TMCO5A: variants seen among roughly 807,000 people sequenced by gnomAD.
TMCO5A encodes transmembrane and coiled-coil domains 5A.
TMCO5A carries 34 observed loss-of-function variants against 42.3 expected under a neutral mutation model. The observed-to-expected ratio is 0.80, with a 90% CI of 0.61 to 1.07. TMCO5A has a LOEUF of 1.07. Among genes scored for constraint, TMCO5A ranks in the 50% least tolerant of loss-of-function variants. The pLI is 0.00. For synonymous variants in TMCO5A, 131 were observed against 115.6 expected (o/e 1.13, Z -0.86); for missense variants, 357 against 327.9 (o/e 1.09, Z -0.69).
chr15:37,937,045 C>T, intron 4 of TMCO5A, 75 bp downstream of exon 4: 14 of 1,573,990 alleles, frequency 8.9e-6, no homozygotes, highest in Non-Finnish European at 1.0e-5. Context: ...ATCAGATAAG[C>T]TTGTCTCTCC....
At chr15:37,976,518 T>C in the TMCO5A span, among the ~76,000 whole-genome samples, 1 of 152,166 alleles carries the variant, frequency 6.6e-6, no homozygotes, top group Non-Finnish European at 1.5e-5. Context: ...TTGCTTGCTT[T>C]CTCTCCCTCT....
downstream of TMCO5A, chr15:37,951,651 A>G (rs1265808663): frequency 6.5e-6 from 1 of 154,268 alleles, no homozygotes; most frequent in Non-Finnish European, 1.4e-5. Context: ...ATACATAAGT[A>G]TTTATACTTA....
chr15:38,012,523 CGT>C, the TMCO5A span, among the ~76,000 whole-genome samples: 2,139 of 148,950 alleles, frequency 0.014, 21 homozygotes, highest in African/African-American at 0.035. Context: ...TAGGAGTAGT[CGT>C]GTGTGTGTGT....
chr15:38,001,663 T>A, the TMCO5A span, among the ~76,000 whole-genome samples: 1 of 152,004 alleles, frequency 6.6e-6, no homozygotes, highest in East Asian at 1.9e-4. Context: ...TTTTGGTACA[T>A]CTGTTGCATG....
chr15:38,005,085 C>T, the TMCO5A span, among the ~76,000 whole-genome samples: 1 of 152,006 alleles, frequency 6.6e-6, no homozygotes, highest in Non-Finnish European at 1.5e-5. Flanking sequence ...TCCATCACCC[C>T]TATTGCATTA....
chr15:37,981,229 G>A, the TMCO5A span, among the ~76,000 whole-genome samples: 1 of 145,734 alleles, frequency 6.9e-6, no homozygotes, highest in Non-Finnish European at 1.5e-5. Context: ...AAAAAAACTG[G>A]TCCCAGAAGG....
chr15:37,958,073 T>G (rs559699224), intron 11 of TMCO5A, among the ~76,000 whole-genome samples: 2 of 152,248 alleles, frequency 1.3e-5, no homozygotes, highest in African/African-American at 4.8e-5. Context: ...TCCTTACACC[T>G]TATACAAAAA....
At chr15:37,939,750 G>A (rs1383614127) in intron 6 of TMCO5A, among the ~76,000 whole-genome samples, 1 of 151,978 alleles carries the variant, frequency 6.6e-6, no homozygotes, top group African/African-American at 2.4e-5. Context: ...CTGTTCCTCT[G>A]GCATGCTAGT....
chr15:37,989,617 T>C, the TMCO5A span, among the ~76,000 whole-genome samples: 3 of 152,194 alleles, frequency 2.0e-5, no homozygotes, highest in African/African-American at 7.2e-5. Flanking sequence ...CTCTCTGTTA[T>C]TGATTTCTTC....
At chr15:37,940,154 G>T (rs1889680134) in intron 6 of TMCO5A, among the ~76,000 whole-genome samples, 1 of 152,096 alleles carries the variant, frequency 6.6e-6, no homozygotes, top group Non-Finnish European at 1.5e-5. Context: ...ACACAGAAAA[G>T]GCTATTCTCT....
chr15:38,003,379 G>A, the TMCO5A span, among the ~76,000 whole-genome samples: 6 of 152,260 alleles, frequency 3.9e-5, no homozygotes, highest in Middle Eastern at 0.01. Flanking sequence ...AAGGCCCGCA[G>A]TTACCACTGC....
the TMCO5A span, among the ~76,000 whole-genome samples, chr15:37,991,149 C>G: frequency 1.3e-5 from 2 of 152,056 alleles, no homozygotes; most frequent in Non-Finnish European, 2.9e-5. Flanking sequence ...TACAATAATA[C>G]TAGCTTTTAT....
intron 11 of TMCO5A, 150 bp downstream of exon 11, chr15:37,947,846 G>C (rs1890019823): frequency 1.9e-6 from 1 of 538,298 alleles, no homozygotes; most frequent in African/African-American, 2.0e-5. Context: ...TAATGTCTTT[G>C]ACTGTATTTC....
rs543876878 is a variant in TMCO5A, at chr15:37,936,907, G to A, written c.201G>A (p.Glu67=). Residue 67 remains glutamate, a synonymous_variant, in exon 4 of 12, where the codon GAG becomes GAA. Transcript: ENST00000319669. Reference sequence around the variant, plus strand: ...TGGAAGATGAAGAGTGGGAGAAGGAGAACCGCACCACGATGGAAAGGGAAA... The same window carrying A: ...TGGAAGATGAAGAGTGGGAGAAGGAAAACCGCACCACGATGGAAAGGGAAA... ...GLVEDEEWEK[E]NRTTMERERA... is the part of the protein sequence containing the mutation. 6.2e-7 allele frequency: 1 copy of A among 1,612,628 alleles called. No individual in the cohort carries two copies. Among genetic ancestry groups the A allele is most frequent in the East Asian group, 2.2e-5 (1 of 44,736 alleles).
chr15:38,015,328 A>AATAC, the TMCO5A span, among the ~76,000 whole-genome samples: 1 of 152,126 alleles, frequency 6.6e-6, no homozygotes, highest in South Asian at 2.1e-4. Context: ...ATAAGATACG[A>AATAC]ATACCCACTA....
chr15:37,941,611 T>G (rs1889744499), intron 7 of TMCO5A, 60 bp from the exon 8 acceptor site: 1 of 1,244,492 alleles, frequency 8.0e-7, no homozygotes, highest in Middle Eastern at 1.9e-4. Flanking sequence ...AAAACAAGTA[T>G]GCTTGTGTTC....
At chr15:37,951,892 C>G (rs968035014), downstream of TMCO5A, among the ~76,000 whole-genome samples, 1 of 152,046 alleles carries the variant, frequency 6.6e-6, no homozygotes, top group East Asian at 1.9e-4. Flanking sequence ...CAACACCCCC[C>G]CTTTCCCATC....
At chr15:38,007,553 G>C in the TMCO5A span, among the ~76,000 whole-genome samples, 6 of 152,138 alleles carry the variant, frequency 3.9e-5, no homozygotes, top group South Asian at 2.1e-4. Context: ...TAAATTAGGA[G>C]TACCCAAAGA....
At chr15:37,950,148 T>G (rs1045035594) in intron 11 of TMCO5A, among the ~76,000 whole-genome samples, 2 of 152,194 alleles carry the variant, frequency 1.3e-5, no homozygotes, top group African/African-American at 4.8e-5. Context: ...CCATATTCCA[T>G]TCTTTAGAAG....
Sources: gnomAD v4.1 joint callset for allele counts (sites outside exome capture counted in the v4.1 genomes callset) on GRCh38, gnomAD v4.1.1 for gene constraint, MANE v1.5 for transcripts, NCBI Gene and HGNC (gene_info 2026-07-23, HGNC 2026-07-21) for gene names.